CTSK: variants seen among roughly 807,000 people sequenced by gnomAD.
CTSK encodes cathepsin O.
Under a neutral mutation model 40.5 loss-of-function variants are expected in CTSK, and 26 were observed. That is an observed-to-expected ratio of 0.64 (90% confidence interval 0.47 to 0.89). The LOEUF (loss-of-function observed/expected upper bound fraction) is 0.89. CTSK is among the 40% of genes least tolerant of loss of function. The pLI is 0.00. For missense variants in CTSK, 292 were observed against 400.1 expected (o/e 0.73, Z 2.30); for synonymous variants, 132 against 143.2 (o/e 0.92, Z 0.56).
chr1:150,807,894 A>G (rs1218798907), intron 1 of CTSK, among the ~76,000 whole-genome samples: 1 of 152,126 alleles, frequency 6.6e-6, no homozygotes, highest in Non-Finnish European at 1.5e-5. Flanking sequence ...CCTCCTCCTC[A>G]CTAAGGAGTT....
intron 1 of CTSK, 107 bp downstream of exon 1, chr1:150,808,107 C>T (rs1395442867): frequency 1.3e-5 from 2 of 152,220 alleles, no homozygotes; most frequent in African/African-American, 2.4e-5. Context: ...CTGTTTTCAT[C>T]TGCAGAGGCT....
chr1:150,800,194 C>CAAAAA (rs57369418), intron 5 of CTSK, among the ~76,000 whole-genome samples: 16 of 71,706 alleles, frequency 2.2e-4, no homozygotes, highest in African/African-American at 7.9e-4. Context: ...GACTCCATCT[C>CAAAAA]AAAAAAAAAA....
intron 4 of CTSK, among the ~76,000 whole-genome samples, chr1:150,805,236 G>GT (rs1364863561): frequency 8.6e-5 from 12 of 140,168 alleles, no homozygotes; most frequent in African/African-American, 3.1e-4. Context: ...TTTGGGGGGG[G>GT]GGAAAGGATT....
At chr1:150,804,423 T>A (rs957096867) in intron 4 of CTSK, among the ~76,000 whole-genome samples, 184 bp from the exon 5 acceptor site, 5 of 152,204 alleles carry the variant, frequency 3.3e-5, no homozygotes, top group Non-Finnish European at 4.4e-5. Flanking sequence ...TTTGCTACCA[T>A]TTTTACTATT....
At chr1:150,806,597 A>C in intron 2 of CTSK, 89 bp downstream of exon 2, 1 of 1,553,868 alleles carries the variant, frequency 6.4e-7, no homozygotes, top group South Asian at 1.1e-5. Context: ...GGAATAAAGC[A>C]TTTGGATTGA....
At position 150,799,216 on chromosome 1, in the gene CTSK, A is replaced by G; in HGVS notation, c.842T>C (p.Val281Ala). 1 of 1,613,292 alleles carries G rather than the reference A, an allele frequency of 6.2e-7. No individual in the cohort carries two copies. Among genetic ancestry groups the G allele is most frequent in the African/African-American group, 1.3e-5 (1 of 75,040 alleles). Residue 281 changes from valine (V) to alanine (A), a missense_variant, in exon 7 of 8, where the codon GTG (valine) becomes GCG (alanine). Transcript: ENST00000271651. ...SDNLNHAVLAVGYGIQKGNKH... is the reference protein window; with the variant it reads ...SDNLNHAVLAAGYGIQKGNKH... ...GTTTCCCTTCTGGATTCCATATCCC[A>G]CTGCCAAAACTGCATGGTTCAGATT...
intron 1 of CTSK, among the ~76,000 whole-genome samples, 199 bp from the exon 2 acceptor site, chr1:150,807,005 T>TCTCTCTCTCTC (rs146635750): frequency 4.5e-4 from 63 of 139,054 alleles, no homozygotes; most frequent in South Asian, 1.9e-3. Flanking sequence ...ATTTCTCTCT[T>TCTCTCTCTCTC]TCTCTCTCTC....
At chr1:150,797,712 C>T (rs1429716453) in intron 7 of CTSK, among the ~76,000 whole-genome samples, 3 of 152,196 alleles carry the variant, frequency 2.0e-5, no homozygotes, top group Non-Finnish European at 4.4e-5. Context: ...CCTGTACCCT[C>T]CCCCACTCTC....
In CTSK at chr1:150,804,212, TA is replaced by T. The variant is rs1057516514; in HGVS notation, c.426del (p.Phe142LeufsTer19). On this transcript the variant is annotated frameshift_variant, in exon 5 of 8. Transcript: ENST00000271651. LOFTEE classifies it high-confidence loss of function. ...TGGCCCTCCAGGGCACCCACAGAGC[TA>T]AAAGCCCAACAGGAACCACACTGAC... ...NQGQCGSCWA[F>X]SSVGALEGQL... 4 of 1,614,160 alleles carry T rather than the reference TA, an allele frequency of 2.5e-6. No individual in the cohort carries two copies. The East Asian group carries it at 8.9e-5, about 36-fold the overall frequency.
At chr1:150,797,010 T>C (rs1653888149) in intron 7 of CTSK, 112 bp from the exon 8 acceptor site, 1 of 809,398 alleles carries the variant, frequency 1.2e-6, no homozygotes, top group Admixed American at 2.0e-5. Flanking sequence ...ATATGATGTT[T>C]TTTAACTTTA....
chr1:150,806,845 G>T, intron 1 of CTSK, 39 bp from the exon 2 acceptor site: 1 of 1,610,572 alleles, frequency 6.2e-7, no homozygotes. Context: ...CTTCCATTTG[G>T]CAGGGAAACA....
intron 5 of CTSK, among the ~76,000 whole-genome samples, chr1:150,802,492 C>T (rs587675349): frequency 6.6e-6 from 1 of 152,218 alleles, no homozygotes; most frequent in African/African-American, 2.4e-5. Flanking sequence ...GATCACAGCT[C>T]ACAGCAGCCT....
rs1654090648 is a variant in CTSK, at chr1:150,806,209, G to GA, written c.135dup (p.Arg46SerfsTer16). 2 of 1,613,954 alleles carry GA rather than the reference G, an allele frequency of 1.2e-6. No homozygotes were observed. The highest frequency in any genetic ancestry group is 1.7e-6 in the Non-Finnish European group (2 of 1,179,966). On this transcript the variant is annotated frameshift_variant, in exon 3 of 8. Coordinates refer to ENST00000271651, the MANE Select transcript of CTSK (RefSeq NM_000396.4). LOFTEE classifies it high-confidence loss of function. The stretch of plus-strand genomic sequence containing the variant: ...AGGTTTTTTTCCCAAATTAAACGCC[G>GA]AGAGATTTCATCCACCTAAACAAAG...
At chr1:150,802,095 T>C (rs1057281249) in intron 5 of CTSK, among the ~76,000 whole-genome samples, 12 of 148,572 alleles carry the variant, frequency 8.1e-5, no homozygotes, top group African/African-American at 1.5e-4. Flanking sequence ...CTGGCCAACA[T>C]GGTGAAACCC....
At chr1:150,807,078 TCTCACACACA>T (rs879169491) in intron 1 of CTSK, among the ~76,000 whole-genome samples, 2,839 of 120,522 alleles carry the variant, frequency 0.024, 48 homozygotes, top group East Asian at 0.11. Context: ...TCTCTCTCTC[TCTCACACACA>T]CACACACACA....
intron 5 of CTSK, 43 bp from the exon 6 acceptor site, chr1:150,799,752 G>T: frequency 6.3e-7 from 1 of 1,579,406 alleles, no homozygotes; most frequent in African/African-American, 1.3e-5. Context: ...CAAAGCAATA[G>T]GCAATGAGTC....
chr1:150,803,936 A>G, intron 5 of CTSK, 85 bp downstream of exon 5: 1 of 1,135,434 alleles, frequency 8.8e-7, no homozygotes, highest in Non-Finnish European at 1.3e-6. Flanking sequence ...AGAAAACAGT[A>G]TTTCTGGAAT....
intron 1 of CTSK, among the ~76,000 whole-genome samples, chr1:150,807,080 TCACACACACACACACACACACA>T (rs1171180978): frequency 1.3e-3 from 94 of 69,664 alleles, no homozygotes; most frequent in African/African-American, 3.2e-3. Flanking sequence ...TCTCTCTCTC[TCACACACACACACACACACACA>T]CACACACACA....
chr1:150,796,903 A>G lies in CTSK; in HGVS notation c.891-5T>C, dbSNP rs1438236580. 6.3e-7 allele frequency: 1 copy of G among 1,577,366 alleles called. No homozygotes were observed. The highest frequency in any genetic ancestry group is 8.7e-7 in the Non-Finnish European group (1 of 1,146,432). On this transcript the variant is annotated splice_polypyrimidine_tract_variant and splice_region_variant and intron_variant, in intron 7 of 7. Transcript: ENST00000271651. The stretch of plus-strand genomic sequence containing the variant: ...TTTCCCCAGTTTTCTCCCCAGCTGT[A>G]AGACCAATCAAGAAAAATACTTAGT...
Sources: allele counts gnomAD v4.1 joint callset (sites outside exome capture counted in the v4.1 genomes callset), GRCh38; gene constraint gnomAD v4.1.1; transcripts MANE v1.5; gene names NCBI Gene and HGNC (gene_info 2026-07-23, HGNC 2026-07-21).